Variants in ERCC6L2 observed in about 807,000 individuals in gnomAD.
ERCC6L2 encodes the protein ERCC excision repair 6 like 2.
Under a neutral mutation model 132.0 loss-of-function variants are expected in ERCC6L2, and 77 were observed. That is an observed-to-expected ratio of 0.58 (90% confidence interval 0.49 to 0.71). ERCC6L2 has a LOEUF of 0.71. Among genes scored for constraint, ERCC6L2 ranks in the 30% least tolerant of loss-of-function variants. ERCC6L2 has a pLI of 0.00. For missense variants in ERCC6L2, 1,542 were observed against 1,837.6 expected, an observed-to-expected ratio of 0.84 and a Z score of 2.94; for synonymous variants, 583 against 632.4, an observed-to-expected ratio of 0.92 and a Z score of 1.17.
At position 96,034,681 on chromosome 9, in the gene ERCC6L2, C is replaced by T. The variant is rs543088626; in HGVS notation, c.*1504-4195C>T. ...GCACACTCCATGAAGCTGGTGGGAG[C>T]CCTGCCCCTTCTGAGTTTGGGTGGG... On this transcript the variant is annotated intron_variant and NMD_transcript_variant, in intron 19 of 20. Coordinates refer to the ERCC6L2 transcript ENST00000670016. Among the ~76,000 whole-genome samples, 110 of 152,274 alleles carry T rather than the reference C, an allele frequency of 7.2e-4. 1 individual carries two copies. The highest frequency in any genetic ancestry group is 2.4e-3 in the Admixed American group (37 of 15,294).
At chr9:95,965,610 A>T (rs1466250166) in intron 13 of ERCC6L2, among the ~76,000 whole-genome samples, 1 of 151,978 alleles carries the variant, frequency 6.6e-6, no homozygotes, top group Non-Finnish European at 1.5e-5. Flanking sequence ...GGTTCAAGCA[A>T]TTCTCCTGCC....
At chr9:96,036,158 C>T (rs900563683) in intron 19 of ERCC6L2, among the ~76,000 whole-genome samples, 5 of 152,200 alleles carry the variant, frequency 3.3e-5, no homozygotes, top group Non-Finnish European at 1.5e-5. Flanking sequence ...GAACGCTTTC[C>T]TTTGGCAAAA....
At chr9:95,907,978 A>T (rs80166550) in intron 4 of ERCC6L2, among the ~76,000 whole-genome samples, 1 of 151,970 alleles carries the variant, frequency 6.6e-6, no homozygotes, top group African/African-American at 2.4e-5. Flanking sequence ...GAGGATTTTG[A>T]TCTTTATCCT....
intron 11 of ERCC6L2, chr9:95,929,067 A>C: frequency 2.5e-6 from 1 of 398,160 alleles, no homozygotes. Flanking sequence ...AATTCCTCTT[A>C]GAAGTCTGGG....
intron 2 of ERCC6L2, among the ~76,000 whole-genome samples, chr9:95,882,690 G>C (rs1827656531): frequency 6.6e-6 from 1 of 152,112 alleles, no homozygotes; most frequent in Non-Finnish European, 1.5e-5. Flanking sequence ...GCCAAATAAT[G>C]CTACTGTGTG....
chr9:96,026,823 C>T (rs549909954), intron 19 of ERCC6L2, among the ~76,000 whole-genome samples: 4 of 146,602 alleles, frequency 2.7e-5, no homozygotes, highest in Admixed American at 2.1e-4. Flanking sequence ...ACACCAAACT[C>T]ACCACACGCA....
chr9:95,907,165 C>G lies in ERCC6L2; in HGVS notation c.682C>G (p.His228Asp). The G allele has an allele frequency of 6.2e-7, 1 of 1,613,052 alleles. No homozygotes were observed. Among genetic ancestry groups the G allele is most frequent in the Non-Finnish European group, 8.5e-7 (1 of 1,179,448 alleles). ...GGGATATTTCAGAGTCACTGTTTTA[C>G]ATGGAAACAGAAAAGATAATGAATT... ...TWGYFRVTVL[H>D]GNRKDNELIR... is the part of the protein sequence containing the mutation. Residue 228 changes from histidine to aspartate, a missense_variant, in exon 4 of 19, where the codon CAT becomes GAT. By Grantham distance (81) the His-to-Asp change is moderately conservative. Around this residue, in one of 4 missense-constraint regions of ERCC6L2, gnomAD observed 945 missense variants for 1,105.2 expected, o/e 0.86. Transcript: ENST00000653738.
At chr9:95,941,854 G>C (rs1830819192) in intron 12 of ERCC6L2, among the ~76,000 whole-genome samples, 1 of 152,114 alleles carries the variant, frequency 6.6e-6, no homozygotes, top group African/African-American at 2.4e-5. Flanking sequence ...GAAACTCCTG[G>C]AAGATAGAAA....
At chr9:95,947,467 T>C (rs1831116896) in intron 12 of ERCC6L2, among the ~76,000 whole-genome samples, 1 of 152,178 alleles carries the variant, frequency 6.6e-6, no homozygotes, top group Non-Finnish European at 1.5e-5. Flanking sequence ...AACAAAAAAG[T>C]GCAAGGTGAA....
chr9:96,034,759 C>T (rs1834500839), intron 19 of ERCC6L2, among the ~76,000 whole-genome samples: 1 of 151,498 alleles, frequency 6.6e-6, no homozygotes, highest in South Asian at 2.1e-4. Flanking sequence ...GACAGGGGCC[C>T]CACCCTCCTG....
rs1234674049 is a variant in ERCC6L2 at position 96,016,688 on chromosome 9, G to T, written c.*3485G>T. On this transcript the variant is annotated 3_prime_UTR_variant, in exon 19 of 19. Coordinates refer to ENST00000653738, the MANE Select transcript of ERCC6L2 (RefSeq NM_020207.7). ...AATACACGGTTATTTTCTAATTAAA[G>T]TTCAATGTGTACGCTTTTAAATTCT... Among the ~76,000 whole-genome samples the T allele has an allele frequency of 6.6e-6, 1 of 152,228 alleles. No homozygotes were observed. The highest frequency in any genetic ancestry group is 2.4e-5 in the African/African-American group (1 of 41,448).
At position 95,899,629 on chromosome 9, in the gene ERCC6L2, TGTGC is replaced by T. The variant is rs147472512; in HGVS notation, c.594+1661_594+1664del. Among the ~76,000 whole-genome samples, 935 of 136,054 alleles carry T rather than the reference TGTGC, an allele frequency of 6.9e-3. 17 individuals are homozygous for T. Among genetic ancestry groups the T allele is most frequent in the Admixed American group, 0.033 (450 of 13,448 alleles). The allele number at this position is 136,054 out of a possible 152,430, so 89.3% of individuals were successfully genotyped here. A position where few individuals can be genotyped will look rare whatever the true frequency, so the allele number is the denominator to read the frequency against. On this transcript the variant is annotated intron_variant, in intron 3 of 18. Transcript: ENST00000653738. The stretch of plus-strand genomic sequence containing the variant: ...GTGTGTGTGTGTGTGTGTGTGTGTG[TGTGC>T]GTATGTATGCATATGCGATGTATCA...
chr9:95,922,754 G>A (rs1407167352), intron 8 of ERCC6L2, among the ~76,000 whole-genome samples: 1 of 151,940 alleles, frequency 6.6e-6, no homozygotes, highest in Non-Finnish European at 1.5e-5. Context: ...TAATCTACTG[G>A]GTAAAATGAG....
intron 15 of ERCC6L2, chr9:95,971,512 G>A (rs900140674): frequency 6.6e-6 from 1 of 152,138 alleles, no homozygotes; most frequent in East Asian, 1.9e-4. Flanking sequence ...TCTTTACCTT[G>A]TTAACTCCTG....
At chr9:95,958,748 G>A (rs1831746159) in intron 13 of ERCC6L2, among the ~76,000 whole-genome samples, 2 of 152,094 alleles carry the variant, frequency 1.3e-5, no homozygotes, top group Admixed American at 1.3e-4. Context: ...CAAACAGAGA[G>A]CCAAATCATG....
intron 17 of ERCC6L2, among the ~76,000 whole-genome samples, chr9:95,987,412 C>T (rs1431627810): frequency 6.6e-6 from 1 of 152,198 alleles, no homozygotes. Context: ...TAAATACACC[C>T]ATTCCAAATG....
At chr9:96,032,231 G>C (rs1331929102) in intron 19 of ERCC6L2, among the ~76,000 whole-genome samples, 1 of 152,060 alleles carries the variant, frequency 6.6e-6, no homozygotes, top group Admixed American at 6.5e-5. Context: ...AGGGACCCCA[G>C]ATCTGAAAAG....
intron 9 of ERCC6L2, among the ~76,000 whole-genome samples, chr9:95,926,750 T>C (rs1412741130): frequency 6.6e-6 from 1 of 152,114 alleles, no homozygotes; most frequent in African/African-American, 2.4e-5. Flanking sequence ...TGTAACACAA[T>C]GAATAAACCC....
At position 95,918,204 on chromosome 9, in the gene ERCC6L2, A is replaced by G. The variant is rs1029534107; in HGVS notation, c.1158+1770A>G. Reference sequence around the variant, plus strand: ...AGGAAATGGAGGCAGTCAGCCCTGTAGACATGATGAGACAAGCTGAGATTA... The same window carrying G: ...AGGAAATGGAGGCAGTCAGCCCTGTGGACATGATGAGACAAGCTGAGATTA... On this transcript the variant is annotated intron_variant, in intron 6 of 18. Transcript: ENST00000653738. The G allele has an allele frequency of 8.4e-6, 4 of 475,278 alleles. No homozygotes were observed. The Admixed American group carries it at 9.0e-5, about 11-fold the overall frequency. The allele number at this position is 475,278 out of a possible 1,614,324, so 29.4% of individuals were successfully genotyped here.
Sources: allele counts gnomAD v4.1 joint callset (sites outside exome capture counted in the v4.1 genomes callset), GRCh38; gene constraint gnomAD v4.1.1; regional missense constraint gnomAD v4.1.1; transcripts MANE v1.5; gene names NCBI Gene and HGNC (gene_info 2026-07-23, HGNC 2026-07-21).